Variants in CDK6 observed in about 807,000 individuals in gnomAD.
CDK6 encodes cyclin-dependent kinase 6.
Under a neutral mutation model 37.1 loss-of-function variants are expected in CDK6, and 6 were observed. That is an observed-to-expected ratio of 0.16 (90% CI 0.09 to 0.32). The LOEUF (loss-of-function observed/expected upper bound fraction) is 0.32. Among genes scored for constraint, CDK6 ranks in the 10% least tolerant of loss-of-function variants. The pLI is 1.00. For missense variants in CDK6, 224 were observed against 418.9 expected (o/e 0.53, Z 4.06); for synonymous variants, 160 against 161.3 (o/e 0.99, Z 0.06).
chr7:92,722,497 C>T (rs1055930276), intron 4 of CDK6, among the ~76,000 whole-genome samples: 3 of 152,184 alleles, frequency 2.0e-5, no homozygotes, highest in African/African-American at 7.2e-5. Flanking sequence ...TGAGATTGAG[C>T]TACAGCATGT....
At chr7:92,735,151 C>A (rs138687547) in intron 3 of CDK6, among the ~76,000 whole-genome samples, 1 of 152,298 alleles carries the variant, frequency 6.6e-6, no homozygotes. Context: ...AAAGTACAGT[C>A]TCTTACTCCA....
chr7:92,701,899 C>T (rs1562940335), intron 4 of CDK6: 1 of 152,352 alleles, frequency 6.6e-6, no homozygotes. Flanking sequence ...GACACCTCCA[C>T]TAGGAAACTC....
chr7:92,806,360 T>C (rs1436656906), intron 2 of CDK6, among the ~76,000 whole-genome samples: 1 of 152,200 alleles, frequency 6.6e-6, no homozygotes, highest in East Asian at 1.9e-4. Context: ...TGTACAATTG[T>C]AGATTCTGAA....
chr7:92,686,837 C>T (rs1433124904), intron 4 of CDK6, among the ~76,000 whole-genome samples: 1 of 151,796 alleles, frequency 6.6e-6, no homozygotes, highest in Non-Finnish European at 1.5e-5. Flanking sequence ...GGCAGTATTG[C>T]ATTGTGGTTT....
intron 5 of CDK6, among the ~76,000 whole-genome samples, chr7:92,666,245 C>T (rs1458878949): frequency 6.6e-6 from 1 of 152,210 alleles, no homozygotes; most frequent in South Asian, 2.1e-4. Context: ...TACCCACTCA[C>T]AGTACTCTAC....
At chr7:92,768,598 T>C (rs1460712647) in intron 3 of CDK6, among the ~76,000 whole-genome samples, 1 of 152,354 alleles carries the variant, frequency 6.6e-6, no homozygotes, top group Non-Finnish European at 1.5e-5. Flanking sequence ...AGCTATGATA[T>C]TAGATTGAAA....
chr7:92,779,828 G>C (rs11971573), intron 2 of CDK6, among the ~76,000 whole-genome samples: 2,276 of 152,216 alleles, frequency 0.015, 57 homozygotes, highest in African/African-American at 0.052. Context: ...AATGCATTTT[G>C]AATCAATGGT....
intron 2 of CDK6, among the ~76,000 whole-genome samples, chr7:92,776,864 G>A (rs181362646): frequency 3.3e-5 from 5 of 152,200 alleles, no homozygotes; most frequent in East Asian, 1.9e-4. Context: ...TAGGTTGCCC[G>A]TTCACTGATG....
chr7:92,633,386 A>G (rs1228173661), intron 5 of CDK6, among the ~76,000 whole-genome samples: 4 of 152,254 alleles, frequency 2.6e-5, no homozygotes, highest in Non-Finnish European at 4.4e-5. Flanking sequence ...TTGTTCAGTA[A>G]TATTTGAAGG....
At chr7:92,706,387 G>A (rs915791472) in intron 4 of CDK6, among the ~76,000 whole-genome samples, 1 of 152,190 alleles carries the variant, frequency 6.6e-6, no homozygotes, top group Non-Finnish European at 1.5e-5. Flanking sequence ...GGACAAAACA[G>A]TGAGACCCTG....
intron 5 of CDK6, among the ~76,000 whole-genome samples, chr7:92,662,380 G>A (rs1796859515): frequency 6.6e-6 from 1 of 152,098 alleles, no homozygotes; most frequent in African/African-American, 2.4e-5. Flanking sequence ...TCCTAGCATG[G>A]AAGTGGGTCT....
At chr7:92,799,851 C>T (rs566314183) in intron 2 of CDK6, among the ~76,000 whole-genome samples, 2 of 152,288 alleles carry the variant, frequency 1.3e-5, no homozygotes, top group South Asian at 4.1e-4. Context: ...TCTCAATTTC[C>T]TGAACTTTGA....
intron 4 of CDK6, among the ~76,000 whole-genome samples, chr7:92,691,694 T>C (rs1196181148): frequency 6.6e-6 from 1 of 152,184 alleles, no homozygotes; most frequent in Non-Finnish European, 1.5e-5. Context: ...GTGCTTTCAT[T>C]TCACAGTTAG....
At chr7:92,713,645 A>C (rs1461834448) in intron 4 of CDK6, among the ~76,000 whole-genome samples, 1 of 150,732 alleles carries the variant, frequency 6.6e-6, no homozygotes, top group Non-Finnish European at 1.5e-5. Flanking sequence ...ATTTGTTTTA[A>C]GTCCTCAAAA....
Position 92,607,803 on chromosome 7 carries a change from C to T in CDK6, c.*7337G>A, listed in dbSNP as rs1795461980. On this transcript the variant is annotated 3_prime_UTR_variant, in exon 8 of 8. Coordinates refer to ENST00000424848, the MANE Select transcript of CDK6 (RefSeq NM_001145306.2). ...CATGTACTAACTAATATATTTACTA[C>T]AGGTAATAGGAAAACAAATGAATAA... The T allele has an allele frequency of 4.4e-6, 1 of 226,956 alleles. No homozygotes were observed. Among genetic ancestry groups the T allele is most frequent in the South Asian group, 1.8e-4 (1 of 5,468 alleles). 14.1% of individuals were successfully genotyped at this position (226,956 alleles called of 1,614,324 possible). A position where few individuals can be genotyped will look rare whatever the true frequency, so the allele number is the denominator to read the frequency against.
intron 3 of CDK6, among the ~76,000 whole-genome samples, chr7:92,756,526 TTCAG>T (rs1799322391): frequency 2.0e-5 from 3 of 152,202 alleles, no homozygotes; most frequent in African/African-American, 7.2e-5. Flanking sequence ...AGCCAGGGAA[TTCAG>T]TCAATGAACA....
At chr7:92,754,566 T>C (rs1407048417) in intron 3 of CDK6, among the ~76,000 whole-genome samples, 1 of 152,242 alleles carries the variant, frequency 6.6e-6, no homozygotes, top group Non-Finnish European at 1.5e-5. Flanking sequence ...TCTGTGCTGG[T>C]AATCAGAATT....
intron 2 of CDK6, among the ~76,000 whole-genome samples, chr7:92,801,648 T>G (rs1431359304): frequency 6.6e-6 from 1 of 150,976 alleles, no homozygotes; most frequent in Non-Finnish European, 1.5e-5. Context: ...CTCCCTTCTC[T>G]CTTTCTCTCT....
intron 4 of CDK6, chr7:92,710,660 C>A (rs1009533701): frequency 2.1e-5 from 20 of 971,072 alleles, no homozygotes; most frequent in Admixed American, 1.8e-4. Context: ...TTGGTGATTA[C>A]CAGTAATGAA....
Sources: gnomAD v4.1 joint callset for allele counts (sites outside exome capture counted in the v4.1 genomes callset) on GRCh38, gnomAD v4.1.1 for gene constraint, MANE v1.5 for transcripts, NCBI Gene and HGNC (gene_info 2026-07-23, HGNC 2026-07-21) for gene names.